Variants in PCDH7 observed in about 807,000 individuals in gnomAD.
PCDH7 encodes the protein protocadherin-7.
In PCDH7, 17 loss-of-function variants were observed where a neutral mutation model predicts 58.9. The ratio of observed to expected loss-of-function variants is 0.29; its 90% CI spans 0.20 to 0.43. The LOEUF is 0.43. Among genes scored for constraint, PCDH7 ranks in the 20% least tolerant of loss-of-function variants. PCDH7 has a pLI of 1.00. For missense variants in PCDH7, 1,274 were observed against 1,441.0 expected (o/e 0.88, Z 1.88); for synonymous variants, 664 against 616.4 (o/e 1.08, Z -1.14).
At chr4:30,791,401 T>C (rs1724103099) in intron 1 of PCDH7, among the ~76,000 whole-genome samples, 1 of 152,194 alleles carries the variant, frequency 6.6e-6, no homozygotes, top group Non-Finnish European at 1.5e-5. Context: ...TTTATGACTG[T>C]TGATTAGATT....
chr4:30,914,198 G>C (rs980942780), intron 1 of PCDH7, among the ~76,000 whole-genome samples: 1 of 152,140 alleles, frequency 6.6e-6, no homozygotes, highest in Non-Finnish European at 1.5e-5. Flanking sequence ...GTATATGGTA[G>C]TTTAAAAAAG....
chr4:31,142,910 A>T, exon 4 of PCDH7: 1 of 1,232,826 alleles, frequency 8.1e-7, no homozygotes, highest in Non-Finnish European at 1.1e-6. Flanking sequence ...AGGGGCAAAA[A>T]CCTTACAAAG....
At chr4:31,135,829 T>C (rs1719534460) in intron 3 of PCDH7, among the ~76,000 whole-genome samples, 1 of 152,196 alleles carries the variant, frequency 6.6e-6, no homozygotes, top group South Asian at 2.1e-4. Context: ...TGTAAACTTA[T>C]GAAGGGGGAA....
chr4:30,761,250 A>G (rs1719982287), intron 1 of PCDH7, among the ~76,000 whole-genome samples: 1 of 152,212 alleles, frequency 6.6e-6, no homozygotes, highest in Admixed American at 6.5e-5. Flanking sequence ...TAGGAAGCGC[A>G]GCTCTCCTCT....
intron 3 of PCDH7, among the ~76,000 whole-genome samples, chr4:30,954,526 A>T (rs1298525563): frequency 6.6e-6 from 1 of 152,116 alleles, no homozygotes; most frequent in East Asian, 1.9e-4. Context: ...TAGATTATCT[A>T]TAAGATTCTT....
chr4:30,764,493 C>T (rs1720441241), intron 1 of PCDH7, among the ~76,000 whole-genome samples: 4 of 152,114 alleles, frequency 2.6e-5, no homozygotes, highest in Admixed American at 2.6e-4. Context: ...TGCAACAGTG[C>T]CTAGTCAATT....
chr4:30,903,430 A>G (rs192898367), intron 1 of PCDH7, among the ~76,000 whole-genome samples: 4 of 151,664 alleles, frequency 2.6e-5, no homozygotes, highest in African/African-American at 9.7e-5. Flanking sequence ...GTGGAAAAAA[A>G]CTCATTTCTT....
intron 3 of PCDH7, among the ~76,000 whole-genome samples, chr4:31,042,960 G>C (rs1024524027): frequency 1.3e-5 from 2 of 152,012 alleles, no homozygotes; most frequent in African/African-American, 2.4e-5. Context: ...GGAAGCACAG[G>C]GTATCACATT....
intron 3 of PCDH7, among the ~76,000 whole-genome samples, chr4:31,107,680 T>A (rs1225509565): frequency 6.6e-6 from 1 of 152,134 alleles, no homozygotes; most frequent in African/African-American, 2.4e-5. Context: ...AGATTCCATA[T>A]CAATATATAT....
intron 3 of PCDH7, among the ~76,000 whole-genome samples, chr4:31,118,884 A>G (rs1352896283): frequency 6.6e-6 from 1 of 152,196 alleles, no homozygotes; most frequent in East Asian, 1.9e-4. Context: ...GAAAAAAGAG[A>G]AAATCGTAAA....
In PCDH7 at chr4:31,078,064, G is replaced by T. The variant is rs1159149949; in HGVS notation, c.*8-64409G>T. Among the ~76,000 whole-genome samples the T allele has an allele frequency of 2.0e-5, 3 of 152,090 alleles. No homozygotes were observed. The East Asian group carries it at 5.8e-4, about 29-fold the overall frequency. On this transcript the variant is annotated intron_variant, in intron 3 of 3. Coordinates refer to the PCDH7 transcript ENST00000509759. ...CTGTTTTTACTTCTATCTAACAAGG[G>T]TCAATTGGTGTGATCTAACAGTGAG...
At chr4:30,751,375 A>G (rs144721629) in intron 1 of PCDH7, among the ~76,000 whole-genome samples, 9 of 152,302 alleles carry the variant, frequency 5.9e-5, no homozygotes, top group African/African-American at 2.2e-4. Context: ...TTTTGATTGG[A>G]GTGATATAGG....
At chr4:30,953,672 G>C (rs1371487519) in intron 3 of PCDH7, among the ~76,000 whole-genome samples, 1 of 152,018 alleles carries the variant, frequency 6.6e-6, no homozygotes, top group Non-Finnish European at 1.5e-5. Flanking sequence ...ATAAACATGA[G>C]TATGTGTTAA....
intron 3 of PCDH7, among the ~76,000 whole-genome samples, chr4:31,020,021 C>T (rs1175458346): frequency 2.6e-5 from 4 of 152,116 alleles, no homozygotes; most frequent in East Asian, 3.9e-4. Flanking sequence ...CAGAAATAAC[C>T]GTGGCCTGGT....
chr4:30,867,276 T>C (rs1008064120), intron 1 of PCDH7, among the ~76,000 whole-genome samples: 21 of 152,166 alleles, frequency 1.4e-4, no homozygotes, highest in African/African-American at 5.1e-4. Context: ...GAGAAAAAGG[T>C]AAGAATGGAG....
intron 1 of PCDH7, among the ~76,000 whole-genome samples, chr4:30,909,592 T>C (rs1322429457): frequency 2.0e-5 from 3 of 152,074 alleles, no homozygotes; most frequent in Non-Finnish European, 2.9e-5. Flanking sequence ...ACAAAGAGAA[T>C]AAAATACTTA....
chr4:30,931,490 G>A (rs539809869), intron 2 of PCDH7, among the ~76,000 whole-genome samples: 6 of 152,130 alleles, frequency 3.9e-5, no homozygotes, highest in South Asian at 4.2e-4. Flanking sequence ...CAGGAGAATC[G>A]CTTGAACCCG....
intron 3 of PCDH7, among the ~76,000 whole-genome samples, chr4:30,975,170 T>TGC (rs1749964761): frequency 6.6e-6 from 1 of 151,496 alleles, no homozygotes; most frequent in Non-Finnish European, 1.5e-5. Flanking sequence ...TGTGTGTGTG[T>TGC]GTGTGTGTGT....
intron 1 of PCDH7, among the ~76,000 whole-genome samples, chr4:30,839,950 C>T (rs1027972560): frequency 1.3e-5 from 2 of 151,898 alleles, no homozygotes; most frequent in African/African-American, 2.4e-5. Context: ...ATTGCCAAAG[C>T]CCTTAGGCTT....
Sources: gnomAD v4.1 joint callset for allele counts (sites outside exome capture counted in the v4.1 genomes callset) on GRCh38, gnomAD v4.1.1 for gene constraint, MANE v1.5 for transcripts, NCBI Gene and HGNC (gene_info 2026-07-23, HGNC 2026-07-21) for gene names.